The following CREB5 variants were observed in gnomAD, a reference collection of about 807,000 sequenced individuals.
The protein encoded by CREB5 is cAMP responsive element binding protein 5.
In CREB5, 19 loss-of-function variants were observed where a neutral mutation model predicts 57.1. The ratio of observed to expected loss-of-function variants is 0.33; its 90% CI spans 0.23 to 0.49. The LOEUF is 0.49. Among genes scored for constraint, CREB5 ranks in the 20% least tolerant of loss-of-function variants. CREB5 has a pLI of 0.99. For missense variants in CREB5, 579 were observed against 671.6 expected, an observed-to-expected ratio of 0.86 and a Z score of 1.52; for synonymous variants, 238 against 238.3, an observed-to-expected ratio of 1.00 and a Z score of 0.01.
intron 5 of CREB5, among the ~76,000 whole-genome samples, chr7:28,611,935 A>T (rs1797407100): frequency 6.6e-6 from 1 of 152,130 alleles, no homozygotes; most frequent in South Asian, 2.1e-4. Flanking sequence ...AACAAAGAAA[A>T]GAAAAGAAGG....
intron 1 of CREB5, among the ~76,000 whole-genome samples, chr7:28,403,708 T>C (rs543939127): frequency 6.6e-6 from 1 of 152,334 alleles, no homozygotes; most frequent in South Asian, 2.1e-4. Flanking sequence ...CAATCATATG[T>C]CTGTGGGCAG....
chr7:28,345,587 T>A (rs1289050691), intron 1 of CREB5, among the ~76,000 whole-genome samples: 1 of 152,240 alleles, frequency 6.6e-6, no homozygotes, highest in African/African-American at 2.4e-5. Context: ...AGGGAGTGTG[T>A]CCTGTTCATT....
At chr7:28,582,370 G>A (rs545208060) in intron 5 of CREB5, among the ~76,000 whole-genome samples, 20 of 152,108 alleles carry the variant, frequency 1.3e-4, no homozygotes, top group African/African-American at 4.8e-4. Flanking sequence ...AACCTTCACG[G>A]GGAACCACAT....
At chr7:28,681,965 T>C (rs1800616395) in intron 5 of CREB5, among the ~76,000 whole-genome samples, 1 of 152,240 alleles carries the variant, frequency 6.6e-6, no homozygotes, top group Admixed American at 6.5e-5. Context: ...GCTAATCAAA[T>C]GGCTCTTGTG....
At chr7:28,560,003 A>T (rs1420706878) in intron 4 of CREB5, among the ~76,000 whole-genome samples, 1 of 152,244 alleles carries the variant, frequency 6.6e-6, no homozygotes, top group Non-Finnish European at 1.5e-5. Context: ...AGAGGAAGCT[A>T]ATCATTCTAA....
intron 1 of CREB5, among the ~76,000 whole-genome samples, chr7:28,368,226 G>C (rs1786629665): frequency 6.6e-6 from 1 of 152,134 alleles, no homozygotes; most frequent in Non-Finnish European, 1.5e-5. Context: ...TGGTATAATG[G>C]ACATTGGAGC....
intron 5 of CREB5, among the ~76,000 whole-genome samples, chr7:28,582,249 C>T (rs1227047213): frequency 2.4e-4 from 37 of 151,748 alleles, no homozygotes; most frequent in Admixed American, 2.4e-3. Context: ...GCTGCTTTTT[C>T]GTTTTTCATT....
chr7:28,465,245 G>T (rs993952535), intron 1 of CREB5, among the ~76,000 whole-genome samples: 1 of 152,198 alleles, frequency 6.6e-6, no homozygotes, highest in Admixed American at 6.5e-5. Context: ...CCTCGAGGTT[G>T]CCTCAAACTT....
intron 1 of CREB5, among the ~76,000 whole-genome samples, chr7:28,442,665 T>G (rs531648761): frequency 6.6e-6 from 1 of 152,192 alleles, no homozygotes; most frequent in Admixed American, 6.5e-5. Context: ...TGGGGTGAGA[T>G]GATATCTCGT....
intron 4 of CREB5, among the ~76,000 whole-genome samples, chr7:28,528,507 C>A (rs1445242278): frequency 1.3e-5 from 2 of 151,922 alleles, no homozygotes; most frequent in African/African-American, 4.8e-5. Context: ...GAGTTGGAGA[C>A]CAGCCTGACC....
chr7:28,304,491 T>C (rs1785151889), intron 1 of CREB5, among the ~76,000 whole-genome samples: 1 of 152,218 alleles, frequency 6.6e-6, no homozygotes, highest in Non-Finnish European at 1.5e-5. Context: ...GGAAAAGCAC[T>C]TTCTTAGCCT....
rs767404879 is a variant in CREB5, at chr7:28,804,182, C to T, written c.703-17C>T. On this transcript the variant is annotated splice_polypyrimidine_tract_variant and intron_variant, in intron 7 of 10. Coordinates refer to ENST00000357727, the MANE Select transcript of CREB5 (RefSeq NM_182898.4). Reference sequence around the variant, plus strand: ...TGACTTCAGTTGTTCTCTCTCCTCCCTTTTGTTCTGTTTCAGAGGTTGAAG... The same window carrying T: ...TGACTTCAGTTGTTCTCTCTCCTCCTTTTTGTTCTGTTTCAGAGGTTGAAG... The T allele has an allele frequency of 1.9e-6, 3 of 1,606,944 alleles. No homozygotes were observed. In the Admixed American group the frequency reaches 5.0e-5, roughly 27 times the overall value.
At chr7:28,728,086 CA>C (rs1227420169) in intron 7 of CREB5, among the ~76,000 whole-genome samples, 1 of 152,118 alleles carries the variant, frequency 6.6e-6, no homozygotes, top group Non-Finnish European at 1.5e-5. Flanking sequence ...GCTACGATTA[CA>C]AGTGTGCACC....
intron 7 of CREB5, among the ~76,000 whole-genome samples, chr7:28,742,143 G>A (rs1804394389): frequency 6.6e-6 from 1 of 151,438 alleles, no homozygotes; most frequent in South Asian, 2.1e-4. Flanking sequence ...TGATGTCTGA[G>A]TAATTGATTC....
At chr7:28,315,081 T>C (rs140269773) in intron 1 of CREB5, among the ~76,000 whole-genome samples, 10 of 152,268 alleles carry the variant, frequency 6.6e-5, no homozygotes, top group Non-Finnish European at 1.2e-4. Context: ...ATCCTTGGTG[T>C]TTAGTGTGGT....
chr7:28,654,087 C>T lies in CREB5; in HGVS notation c.465-64666C>T, dbSNP rs368282332. On this transcript the variant is annotated intron_variant, in intron 5 of 10. Coordinates refer to ENST00000357727, the MANE Select transcript of CREB5 (RefSeq NM_182898.4). ...TTCCAGTAGCCAATATACATTACAC[C>T]TGTGAAGTTCCAGATACACCAGACC... 5.9e-5 allele frequency among the ~76,000 whole-genome samples: 9 copies of T among 152,270 alleles called. No individual in the cohort carries two copies. In the South Asian group the frequency reaches 8.3e-4, roughly 14 times the overall value.
intron 1 of CREB5, among the ~76,000 whole-genome samples, chr7:28,427,727 C>T (rs950636523): frequency 6.6e-6 from 1 of 152,074 alleles, no homozygotes; most frequent in African/African-American, 2.4e-5. Context: ...AGCCAGACTT[C>T]GCTCTCCTCT....
At position 28,460,706 on chromosome 7, in the gene CREB5, A is replaced by G. The variant is rs118131890; in HGVS notation, c.4-27469A>G. On this transcript the variant is annotated intron_variant, in intron 1 of 10. Transcript: ENST00000357727. ...CAGATGGGTTAAGAAAAACATCATT[A>G]GTAGGGTTACTGTGAGGATTAAAGG... Among the ~76,000 whole-genome samples, 1,460 of 152,298 alleles carry G rather than the reference A, an allele frequency of 9.6e-3. 15 individuals are homozygous for G. The highest frequency in any genetic ancestry group is 0.015 in the Non-Finnish European group (1,046 of 68,020).
chr7:28,580,493 T>G (rs546231154), intron 5 of CREB5, among the ~76,000 whole-genome samples: 1 of 143,734 alleles, frequency 7.0e-6, no homozygotes, highest in East Asian at 2.1e-4. Context: ...TTAACGCAGC[T>G]CTGTAGTCAG....
Sources: gnomAD v4.1 joint callset for allele counts (sites outside exome capture counted in the v4.1 genomes callset) on GRCh38, gnomAD v4.1.1 for gene constraint, MANE v1.5 for transcripts, NCBI Gene and HGNC (gene_info 2026-07-23, HGNC 2026-07-21) for gene names.